Variants in IQGAP2 observed in about 807,000 individuals in gnomAD.
IQGAP2 encodes ras GTPase-activating-like protein IQGAP2.
In IQGAP2, 173 loss-of-function variants were observed where a neutral mutation model predicts 201.3. The observed-to-expected ratio is 0.86, with a 90% CI of 0.76 to 0.98. The LOEUF is 0.98. IQGAP2 is among the 50% of genes least tolerant of loss of function. IQGAP2 has a pLI of 0.00. For synonymous variants in IQGAP2, 675 were observed against 673.9 expected (o/e 1.00, Z -0.03); for missense variants, 1,687 against 1,864.8 (o/e 0.90, Z 1.76).
chr5:76,595,478 G>A (rs946252380), intron 9 of IQGAP2, among the ~76,000 whole-genome samples: 2 of 151,710 alleles, frequency 1.3e-5, no homozygotes, highest in Non-Finnish European at 2.9e-5. Context: ...GTGTTTTTCA[G>A]GCTAGGTGCA....
At chr5:76,494,649 T>C (rs1219074172) in intron 2 of IQGAP2, among the ~76,000 whole-genome samples, 1 of 152,230 alleles carries the variant, frequency 6.6e-6, no homozygotes, top group Non-Finnish European at 1.5e-5. Context: ...AGAAGGTTTT[T>C]AGTTTTTTGT....
rs932771627 is a variant in IQGAP2, at chr5:76,708,072, T to G, written c.*759T>G. The G allele has an allele frequency of 1.3e-5, 2 of 152,086 alleles. No homozygotes were observed. Among genetic ancestry groups the G allele is most frequent in the African/African-American group, 4.9e-5 (2 of 41,172 alleles). The allele number at this position is 152,086 out of a possible 1,614,324, so 9.4% of individuals were successfully genotyped here. The stretch of plus-strand genomic sequence containing the variant: ...TGCTAAAAAATCAGTATCTAGATGG[T>G]TTTTAAATGTATTCTCTGGAAATTG... On this transcript the variant is annotated 3_prime_UTR_variant, in exon 36 of 36. Transcript: ENST00000274364.
chr5:76,449,499 C>T (rs1446329258), intron 1 of IQGAP2, among the ~76,000 whole-genome samples: 1 of 152,144 alleles, frequency 6.6e-6, no homozygotes, highest in Non-Finnish European at 1.5e-5. Flanking sequence ...ATGAAGTGCC[C>T]TGCAACTATT....
chr5:76,494,662 T>C (rs1756769500), intron 2 of IQGAP2, among the ~76,000 whole-genome samples: 1 of 152,054 alleles, frequency 6.6e-6, no homozygotes, highest in Non-Finnish European at 1.5e-5. Context: ...TTTTTTGTTG[T>C]TGTTGTTTTT....
chr5:76,651,659 G>T (rs1752523443), intron 17 of IQGAP2, among the ~76,000 whole-genome samples: 2 of 152,054 alleles, frequency 1.3e-5, no homozygotes, highest in African/African-American at 4.8e-5. Flanking sequence ...GGGAAGCTGT[G>T]TAAAGGGGTA....
intron 2 of IQGAP2, among the ~76,000 whole-genome samples, chr5:76,561,361 G>C (rs1185077049): frequency 6.6e-6 from 1 of 152,208 alleles, no homozygotes; most frequent in Non-Finnish European, 1.5e-5. Context: ...ACATATTACA[G>C]TGTTGGCAAC....
intron 2 of IQGAP2, among the ~76,000 whole-genome samples, chr5:76,513,065 A>AG (rs980951634): frequency 1.5e-4 from 23 of 150,892 alleles, no homozygotes; most frequent in Admixed American, 7.9e-4. Context: ...AAAAAGAAAA[A>AG]AAAAAAGAAA....
At chr5:76,404,997 T>C (rs1469426761) in intron 1 of IQGAP2, among the ~76,000 whole-genome samples, 1 of 152,152 alleles carries the variant, frequency 6.6e-6, no homozygotes, top group Non-Finnish European at 1.5e-5. Context: ...CTCAGGTTGG[T>C]GGAAGTACTT....
At chr5:76,601,315 A>G (rs1182323740) in intron 11 of IQGAP2, among the ~76,000 whole-genome samples, 2 of 152,226 alleles carry the variant, frequency 1.3e-5, no homozygotes, top group African/African-American at 2.4e-5. Context: ...AGCAACTTTA[A>G]TAATCATCCA....
At chr5:76,634,731 A>T (rs1750985282) in intron 15 of IQGAP2, among the ~76,000 whole-genome samples, 1 of 152,198 alleles carries the variant, frequency 6.6e-6, no homozygotes, top group African/African-American at 2.4e-5. Flanking sequence ...AGGATGTCTT[A>T]TCTTTTCCCA....
intron 2 of IQGAP2, among the ~76,000 whole-genome samples, chr5:76,513,243 C>T (rs1190312507): frequency 6.6e-6 from 1 of 152,164 alleles, no homozygotes; most frequent in African/African-American, 2.4e-5. Flanking sequence ...TTATCACAGT[C>T]AGTCCTTACA....
intron 16 of IQGAP2, among the ~76,000 whole-genome samples, chr5:76,638,659 C>T (rs144113030): frequency 1.3e-5 from 2 of 152,298 alleles, no homozygotes; most frequent in African/African-American, 4.8e-5. Context: ...CACTGAATTT[C>T]ATTCATTTTT....
chr5:76,591,915 G>C (rs1451124275), intron 8 of IQGAP2, among the ~76,000 whole-genome samples: 1 of 152,136 alleles, frequency 6.6e-6, no homozygotes, highest in African/African-American at 2.4e-5. Context: ...TGATGGCCGG[G>C]TTTGTCTCAG....
At chr5:76,604,119 T>C (rs929294461) in intron 11 of IQGAP2, among the ~76,000 whole-genome samples, 30 of 152,092 alleles carry the variant, frequency 2.0e-4, no homozygotes, top group Admixed American at 9.8e-4. Context: ...CTAATGCTAT[T>C]CCTCCCCTAG....
intron 2 of IQGAP2, among the ~76,000 whole-genome samples, chr5:76,537,198 A>T (rs964542150): frequency 6.6e-6 from 1 of 152,208 alleles, no homozygotes; most frequent in African/African-American, 2.4e-5. Flanking sequence ...GATTCGGCCA[A>T]TGGAAGTTGA....
chr5:76,527,620 A>G (rs1446769762), intron 2 of IQGAP2, among the ~76,000 whole-genome samples: 1 of 152,240 alleles, frequency 6.6e-6, no homozygotes, highest in African/African-American at 2.4e-5. Flanking sequence ...GACGTCTATA[A>G]TTGTCGTATT....
chr5:76,601,007 G>A, intron 11 of IQGAP2, 35 bp downstream of exon 11: 2 of 1,593,548 alleles, frequency 1.3e-6, no homozygotes, highest in Non-Finnish European at 1.7e-6. Flanking sequence ...TTTCAATGCA[G>A]AAATGCATGT....
At chr5:76,640,855 A>T in intron 16 of IQGAP2, 78 bp from the exon 17 acceptor site, 1 of 1,081,424 alleles carries the variant, frequency 9.2e-7, no homozygotes, top group Non-Finnish European at 1.3e-6. Context: ...TTTCTAAAAG[A>T]TAAAATATCA....
chr5:76,654,302 G>T, intron 19 of IQGAP2, 31 bp downstream of exon 19: 1 of 1,388,110 alleles, frequency 7.2e-7, no homozygotes, highest in South Asian at 1.2e-5. Flanking sequence ...ATTTTATCCA[G>T]GTTGATAATG....
Sources: gnomAD v4.1 joint callset for allele counts (sites outside exome capture counted in the v4.1 genomes callset) on GRCh38, gnomAD v4.1.1 for gene constraint, MANE v1.5 for transcripts, NCBI Gene and HGNC (gene_info 2026-07-23, HGNC 2026-07-21) for gene names.